ADAMTS3: variants seen among roughly 807,000 people sequenced by gnomAD.
ADAMTS3 encodes ADAM metallopeptidase with thrombospondin type 1 motif 3, also known as A disintegrin and metalloproteinase with thrombospondin motifs 3.
ADAMTS3 carries 73 observed loss-of-function variants against 129.0 expected under a neutral mutation model. The observed-to-expected ratio is 0.57, with a 90% CI of 0.47 to 0.69. The LOEUF (loss-of-function observed/expected upper bound fraction) is 0.69, where lower values mean the gene tolerates loss of function less well. Ranked by LOEUF, ADAMTS3 falls within the 30% of genes least tolerant of loss-of-function variation. The probability of loss-of-function intolerance (pLI) is 0.00; values close to 1 mark genes in which losing one functional copy is unlikely to be tolerated. For synonymous variants in ADAMTS3, 477 were observed against 510.8 expected (o/e 0.93, Z 0.89); for missense variants, 1,457 against 1,514.5 (o/e 0.96, Z 0.63).
chr4:72,502,805 G>A (rs1720058699), intron 3 of ADAMTS3, among the ~76,000 whole-genome samples: 2 of 151,926 alleles, frequency 1.3e-5, no homozygotes, highest in African/African-American at 4.8e-5. Context: ...TTGCCATTGA[G>A]GTTTGCTGCA....
At chr4:72,436,788 T>C (rs1427897123) in intron 3 of ADAMTS3, among the ~76,000 whole-genome samples, 1 of 150,904 alleles carries the variant, frequency 6.6e-6, no homozygotes, top group Non-Finnish European at 1.5e-5. Flanking sequence ...TTCTCACTCA[T>C]AGGTGGGAAT....
chr4:72,498,074 G>C (rs1349346026), intron 3 of ADAMTS3, among the ~76,000 whole-genome samples: 3 of 151,892 alleles, frequency 2.0e-5, no homozygotes, highest in African/African-American at 7.3e-5. Flanking sequence ...ACTACTTTCA[G>C]GCATAACTAA....
At chr4:72,393,736 T>C (rs772080096) in intron 4 of ADAMTS3, among the ~76,000 whole-genome samples, 5 of 152,192 alleles carry the variant, frequency 3.3e-5, no homozygotes, top group African/African-American at 4.8e-5. Context: ...ATTAATAAGA[T>C]AGTATATACT....
chr4:72,491,259 T>G (rs1185711889), intron 3 of ADAMTS3, among the ~76,000 whole-genome samples: 1 of 151,788 alleles, frequency 6.6e-6, no homozygotes, highest in African/African-American at 2.4e-5. Context: ...ATGATCATGT[T>G]ATCTGCAAAC....
rs566455684 is a variant in ADAMTS3 at position 72,568,768 on chromosome 4, G to A, written c.-6C>T. ...CAAAGTGACAGGAGAACCATCACGA[G>A]TCGAGTTCACTTTCCAACTACTGGG... is the stretch of plus-strand genomic sequence containing the variant. On this transcript the variant is annotated 5_prime_UTR_variant, in exon 1 of 22. Coordinates refer to ENST00000286657, the MANE Select transcript of ADAMTS3 (RefSeq NM_014243.3). 121 of 1,612,512 alleles carry A rather than the reference G, an allele frequency of 7.5e-5. 2 individuals are homozygous for A. The highest frequency in any genetic ancestry group is 5.9e-4 in the South Asian group (54 of 91,038).
intron 3 of ADAMTS3, among the ~76,000 whole-genome samples, chr4:72,540,577 C>T (rs1363300630): frequency 6.6e-6 from 1 of 152,196 alleles, no homozygotes; most frequent in East Asian, 1.9e-4. Context: ...GAGGTCTTCA[C>T]AGCAGCCCCT....
At chr4:72,483,975 A>G (rs959306052) in intron 3 of ADAMTS3, among the ~76,000 whole-genome samples, 1 of 152,054 alleles carries the variant, frequency 6.6e-6, no homozygotes. Flanking sequence ...CCAAGATGGC[A>G]CCATTGCACT....
intron 15 of ADAMTS3, among the ~76,000 whole-genome samples, chr4:72,307,010 G>C (rs1336903653): frequency 6.6e-6 from 1 of 151,722 alleles, no homozygotes; most frequent in African/African-American, 2.4e-5. Context: ...ACAAATAAAT[G>C]AATATAAAAT....
chr4:72,387,236 T>A (rs1164467802), intron 4 of ADAMTS3, among the ~76,000 whole-genome samples: 1 of 152,178 alleles, frequency 6.6e-6, no homozygotes, highest in Non-Finnish European at 1.5e-5. Context: ...TTATTCTTCA[T>A]AACAATTAAG....
intron 4 of ADAMTS3, among the ~76,000 whole-genome samples, chr4:72,399,874 A>ATG (rs367561094): frequency 0.06 from 254 of 4,238 alleles, no homozygotes; most frequent in Middle Eastern, 0.25. Context: ...GTGTATATAT[A>ATG]CACACACGGT....
chr4:72,468,625 A>G (rs1480649414), intron 3 of ADAMTS3, among the ~76,000 whole-genome samples: 1 of 152,130 alleles, frequency 6.6e-6, no homozygotes, highest in East Asian at 1.9e-4. Flanking sequence ...ACAAAAAGCT[A>G]TCTTAACATT....
intron 4 of ADAMTS3, among the ~76,000 whole-genome samples, chr4:72,363,751 C>A: frequency 1.3e-5 from 2 of 151,018 alleles, no homozygotes; most frequent in African/African-American, 4.9e-5. Flanking sequence ...AAAAAAATAC[C>A]TATATAAAGA....
At chr4:72,288,707 T>C in intron 21 of ADAMTS3, 44 bp downstream of exon 21, 2 of 1,279,004 alleles carry the variant, frequency 1.6e-6, no homozygotes, top group Non-Finnish European at 1.1e-6. Context: ...CTTTTTGAGG[T>C]TTAAAAACAT....
At chr4:72,359,621 A>AT (rs990836052) in intron 4 of ADAMTS3, among the ~76,000 whole-genome samples, 1 of 151,998 alleles carries the variant, frequency 6.6e-6, no homozygotes, top group African/African-American at 2.4e-5. Flanking sequence ...CTCCATTTGA[A>AT]TATGAAGGTG....
chr4:72,378,160 T>C (rs1014949041), intron 4 of ADAMTS3, among the ~76,000 whole-genome samples: 17 of 152,182 alleles, frequency 1.1e-4, no homozygotes, highest in African/African-American at 4.1e-4. Context: ...AATTCCTTCA[T>C]CAGTTTCCAT....
At chr4:72,451,192 A>G (rs1190162933) in intron 3 of ADAMTS3, among the ~76,000 whole-genome samples, 1 of 151,684 alleles carries the variant, frequency 6.6e-6, no homozygotes, top group Non-Finnish European at 1.5e-5. Flanking sequence ...GGTATCTAAA[A>G]CAGGAGAAGA....
At chr4:72,491,994 T>G (rs1278008662) in intron 3 of ADAMTS3, among the ~76,000 whole-genome samples, 1 of 151,750 alleles carries the variant, frequency 6.6e-6, no homozygotes, top group East Asian at 1.9e-4. Context: ...TTTGGTAGTT[T>G]GAAAGTTTCT....
intron 4 of ADAMTS3, among the ~76,000 whole-genome samples, chr4:72,366,573 A>G (rs189341894): frequency 6.3e-4 from 96 of 152,274 alleles, no homozygotes; most frequent in African/African-American, 2.2e-3. Context: ...ATACGCTGTT[A>G]TTTAGAAAAA....
chr4:72,434,168 T>TC (rs539804356), intron 3 of ADAMTS3, among the ~76,000 whole-genome samples: 8 of 150,982 alleles, frequency 5.3e-5, no homozygotes, highest in South Asian at 2.1e-4. Context: ...AAAATGGAGC[T>TC]CCCCCCCACC....
Sources: gnomAD v4.1 joint callset for allele counts (sites outside exome capture counted in the v4.1 genomes callset) on GRCh38, gnomAD v4.1.1 for gene constraint, MANE v1.5 for transcripts, NCBI Gene and HGNC (gene_info 2026-07-23, HGNC 2026-07-21) for gene names.